Variants in PRKCE observed in about 807,000 individuals in gnomAD.
PRKCE encodes protein kinase C epsilon.
A neutral mutation model predicts 85.4 loss-of-function variants in PRKCE; 16 were observed. The observed-to-expected ratio is 0.19, with a 90% confidence interval of 0.13 to 0.28. PRKCE has a LOEUF of 0.28. PRKCE is among the 10% of genes least tolerant of loss of function. The pLI, the probability that PRKCE is intolerant of heterozygous loss-of-function variation, is 1.00. For synonymous variants in PRKCE, 388 were observed against 371.5 expected (o/e 1.04, Z -0.51); for missense variants, 573 against 975.2 (o/e 0.59, Z 5.49).
chr2:46,012,958 G>C (rs1705814016), intron 10 of PRKCE, among the ~76,000 whole-genome samples: 1 of 152,188 alleles, frequency 6.6e-6, no homozygotes, highest in Non-Finnish European at 1.5e-5. Flanking sequence ...TTCCTCTGTA[G>C]TTCAGATATT....
chr2:45,841,435 G>T (rs1213816170), intron 1 of PRKCE, among the ~76,000 whole-genome samples: 2 of 152,180 alleles, frequency 1.3e-5, no homozygotes, highest in Non-Finnish European at 2.9e-5. Flanking sequence ...TGATGTTTGA[G>T]GGCAAAAAGC....
intron 2 of PRKCE, among the ~76,000 whole-genome samples, chr2:45,961,879 G>A (rs1701405264): frequency 6.6e-6 from 1 of 152,106 alleles, no homozygotes; most frequent in Non-Finnish European, 1.5e-5. Context: ...ATTTTTAGTA[G>A]AGACGGGGTT....
rs957113926 is a variant in PRKCE, at chr2:45,895,906, G to A, written c.412+52843G>A. ...GGGCTCCCAGAGGAGTTGGTGTCTG[G>A]GCTGTGGCTGAAGTTCACCGTGTGA... On this transcript the variant is annotated intron_variant, in intron 2 of 14. Coordinates refer to ENST00000306156, the MANE Select transcript of PRKCE (RefSeq NM_005400.3). This position sits in a 1 kb window ranked among gnomAD's most constrained non-coding sequence, Gnocchi z 4.8. 1.3e-5 allele frequency among the ~76,000 whole-genome samples: 2 copies of A among 152,172 alleles called. No homozygotes were observed. Among genetic ancestry groups the A allele is most frequent in the African/African-American group, 2.4e-5 (1 of 41,438 alleles).
rs1574612881 is a variant in PRKCE at position 46,153,078 on chromosome 2, T to G, written c.1920+1849T>G. Among the ~76,000 whole-genome samples the G allele has an allele frequency of 3.9e-5, 6 of 152,264 alleles. No homozygotes were observed. In the South Asian group the frequency reaches 1.2e-3, roughly 32 times the overall value. ...ATTCATTCAATGAACTACTATCTATTGAGCACTTCCAACATGCTAGGCATG... is the reference window on the plus strand; with the variant it reads ...ATTCATTCAATGAACTACTATCTATGGAGCACTTCCAACATGCTAGGCATG... On this transcript the variant is annotated intron_variant, in intron 13 of 14. Coordinates refer to ENST00000306156, the MANE Select transcript of PRKCE (RefSeq NM_005400.3).
At chr2:45,933,321 T>C (rs1699176256) in intron 2 of PRKCE, among the ~76,000 whole-genome samples, 1 of 152,230 alleles carries the variant, frequency 6.6e-6, no homozygotes, top group South Asian at 2.1e-4. Flanking sequence ...CCCTGAGGAA[T>C]GTATCAATTT....
At chr2:45,762,355 C>T (rs1013348404) in intron 1 of PRKCE, among the ~76,000 whole-genome samples, 1 of 152,156 alleles carries the variant, frequency 6.6e-6, no homozygotes, top group Non-Finnish European at 1.5e-5. Flanking sequence ...AAATTTATGC[C>T]AAAATTCCTG....
intron 1 of PRKCE, among the ~76,000 whole-genome samples, chr2:45,814,662 C>T (rs1206870079): frequency 2.0e-5 from 3 of 152,162 alleles, no homozygotes; most frequent in African/African-American, 7.2e-5. Flanking sequence ...CTGTGCTATT[C>T]GGGGGTGTGA....
At chr2:46,156,886 T>G (rs911337354) in intron 13 of PRKCE, among the ~76,000 whole-genome samples, 1 of 152,248 alleles carries the variant, frequency 6.6e-6, no homozygotes, top group African/African-American at 2.4e-5. Flanking sequence ...CACTCTCTAC[T>G]TATGTTTTGA....
At chr2:46,109,964 A>G (rs1672102990) in intron 11 of PRKCE, among the ~76,000 whole-genome samples, 3 of 152,058 alleles carry the variant, frequency 2.0e-5, no homozygotes, top group African/African-American at 7.2e-5. Flanking sequence ...TGATCAAATG[A>G]TTTTTCTTCT....
At chr2:46,178,585 A>G (rs1175924559) in intron 14 of PRKCE, among the ~76,000 whole-genome samples, 2 of 152,242 alleles carry the variant, frequency 1.3e-5, no homozygotes, top group Non-Finnish European at 2.9e-5. Flanking sequence ...ATGTATGGCT[A>G]TGAAGAATAT....
intron 1 of PRKCE, among the ~76,000 whole-genome samples, chr2:45,734,168 C>T (rs1271114998): frequency 4.6e-5 from 7 of 152,092 alleles, no homozygotes; most frequent in Admixed American, 4.6e-4. Flanking sequence ...AGATTGAGAC[C>T]ATCCTGGCCA....
chr2:45,896,812 C>T (rs752511700), intron 2 of PRKCE, among the ~76,000 whole-genome samples: 4 of 152,108 alleles, frequency 2.6e-5, no homozygotes, highest in Non-Finnish European at 4.4e-5. Context: ...CTGAGGGTAC[C>T]GTGGCTCATG....
intron 1 of PRKCE, among the ~76,000 whole-genome samples, chr2:45,799,151 G>A (rs1439329592): frequency 6.7e-6 from 1 of 150,044 alleles, no homozygotes; most frequent in Non-Finnish European, 1.5e-5. Context: ...GGGCAACAGA[G>A]TGGGACTCCG....
At chr2:46,105,030 C>T (rs12712969) in intron 11 of PRKCE, among the ~76,000 whole-genome samples, 89,812 of 139,374 alleles carry the variant, frequency 0.64, 27,168 homozygotes, top group East Asian at 0.75. Context: ...TTTTTTTTTT[C>T]CCCAGAATAG....
intron 2 of PRKCE, among the ~76,000 whole-genome samples, chr2:45,951,342 C>T (rs190073140): frequency 3.9e-5 from 6 of 152,298 alleles, no homozygotes; most frequent in Non-Finnish European, 7.4e-5. Context: ...TACAGACTGT[C>T]GAGGAAGTCG....
chr2:45,901,343 C>CG (rs752647820), intron 2 of PRKCE, among the ~76,000 whole-genome samples: 1 of 152,172 alleles, frequency 6.6e-6, no homozygotes, highest in Non-Finnish European at 1.5e-5. Flanking sequence ...CCAAACGCTC[C>CG]GACCTGGTCA....
intron 6 of PRKCE, among the ~76,000 whole-genome samples, chr2:45,991,537 C>T (rs1232875493): frequency 6.6e-6 from 1 of 152,176 alleles, no homozygotes; most frequent in East Asian, 1.9e-4. Flanking sequence ...ACTTTACTTA[C>T]TAGAAAGAGT....
chr2:46,075,383 C>T lies in PRKCE; in HGVS notation c.1438-10825C>T, dbSNP rs149409179. The stretch of plus-strand genomic sequence containing the variant: ...TATTTCATAGGTCCTAAACTTCGGC[C>T]GCAAACAGCTGGCTACTGGTGGCAA... On this transcript the variant is annotated intron_variant, in intron 10 of 14. Coordinates refer to ENST00000306156, the MANE Select transcript of PRKCE (RefSeq NM_005400.3). Among the ~76,000 whole-genome samples the T allele has an allele frequency of 9.5e-3, 1,448 of 152,166 alleles. 11 individuals are homozygous for T. The highest frequency in any genetic ancestry group is 0.013 in the Non-Finnish European group (918 of 68,004).
At chr2:46,019,565 T>A (rs1706461654) in intron 10 of PRKCE, among the ~76,000 whole-genome samples, 1 of 152,250 alleles carries the variant, frequency 6.6e-6, no homozygotes, top group South Asian at 2.1e-4. Flanking sequence ...AGTTTTACTA[T>A]TCAAAGTGTT....
Sources: gnomAD v4.1 joint callset for allele counts (sites outside exome capture counted in the v4.1 genomes callset) on GRCh38, gnomAD v4.1.1 for gene constraint, Gnocchi (gnomAD v3.1) non-coding constraint, MANE v1.5 for transcripts, NCBI Gene and HGNC (gene_info 2026-07-23, HGNC 2026-07-21) for gene names.